Variants in TFEC observed in about 807,000 individuals in gnomAD.
TFEC encodes class E basic helix-loop-helix protein 34.
In TFEC, 31 loss-of-function variants were observed where a neutral mutation model predicts 41.6. That is an observed-to-expected ratio of 0.74 (90% CI 0.56 to 1.01). The LOEUF is 1.01. Among genes scored for constraint, TFEC ranks in the 50% least tolerant of loss-of-function variants. The pLI is 0.00. For missense variants in TFEC, 402 were observed against 404.1 expected (o/e 0.99, Z 0.04); for synonymous variants, 143 against 140.6 (o/e 1.02, Z -0.12).
chr7:116,085,103 G>A (rs891514845), intron 3 of TFEC, among the ~76,000 whole-genome samples: 4 of 151,844 alleles, frequency 2.6e-5, no homozygotes, highest in African/African-American at 9.7e-5. Flanking sequence ...GAGCAGGGCA[G>A]AAGGAACAGC....
intron 1 of TFEC, among the ~76,000 whole-genome samples, chr7:116,029,965 C>G (rs1220902578): frequency 6.6e-6 from 1 of 151,716 alleles, no homozygotes. Context: ...ACTTGGAAGG[C>G]TGAGGCAGGA....
chr7:116,004,532 A>T (rs1418955847), intron 1 of TFEC, among the ~76,000 whole-genome samples: 3 of 152,194 alleles, frequency 2.0e-5, no homozygotes, highest in Admixed American at 2.0e-4. Flanking sequence ...ATAAAAGAGA[A>T]GGGTAGGCAT....
chr7:116,095,852 C>T (rs1797441894), intron 3 of TFEC, among the ~76,000 whole-genome samples: 2 of 151,864 alleles, frequency 1.3e-5, no homozygotes, highest in South Asian at 4.2e-4. Flanking sequence ...TACTCTCAAC[C>T]CTTCCTCTCT....
intron 3 of TFEC, among the ~76,000 whole-genome samples, chr7:116,049,997 T>G (rs113662533): frequency 6.6e-6 from 1 of 152,214 alleles, no homozygotes; most frequent in South Asian, 2.1e-4. Flanking sequence ...GAGGGAAATT[T>G]ATAGCACTAA....
At chr7:116,118,636 T>C (rs1798043826) in intron 1 of TFEC, among the ~76,000 whole-genome samples, 1 of 151,852 alleles carries the variant, frequency 6.6e-6, no homozygotes, top group South Asian at 2.1e-4. Context: ...CTAAAGAATT[T>C]AGACATGATT....
chr7:115,940,801 A>G lies in TFEC; in HGVS notation c.794T>C (p.Leu265Pro), dbSNP rs765183817. The change falls in exon 8 of 8, where the codon CTG becomes CCG. Residue 265 changes from leucine to proline, a missense_variant. Leu to Pro is a moderately conservative substitution (Grantham distance 98). Transcript: ENST00000265440. ...EQNSVDYCQQ[L>P]TVSQGPSPEL... ...AGGGCTTGGCCCCTGAGACACAGTC[A>G]GTTGTTGGCAATAGTCTACTGAATT... is the stretch of plus-strand genomic sequence containing the variant. 3.7e-6 allele frequency: 6 copies of G among 1,613,446 alleles called. No individual in the cohort carries two copies. Among genetic ancestry groups the G allele is most frequent in the Non-Finnish European group, 4.2e-6 (5 of 1,179,648 alleles).
chr7:116,005,079 T>C (rs1231754373), intron 1 of TFEC, among the ~76,000 whole-genome samples: 1 of 152,204 alleles, frequency 6.6e-6, no homozygotes, highest in Non-Finnish European at 1.5e-5. Flanking sequence ...TCCCCAGCCA[T>C]GTGAAACTGT....
At position 115,939,707 on chromosome 7, in the gene TFEC, A is replaced by G. The variant is rs1476165255; in HGVS notation, c.*844T>C. Reference sequence around the variant, plus strand: ...ATAAGAAAAGAGAATTTGGAATGTGATTCTGATGCAGTCAGAAGCATGAAG... The same window carrying G: ...ATAAGAAAAGAGAATTTGGAATGTGGTTCTGATGCAGTCAGAAGCATGAAG... On this transcript the variant is annotated 3_prime_UTR_variant, in exon 8 of 8. Coordinates refer to ENST00000265440, the MANE Select transcript of TFEC (RefSeq NM_012252.4). 6.6e-6 allele frequency: 1 copy of G among 152,054 alleles called. No homozygotes were observed. Among genetic ancestry groups the G allele is most frequent in the Non-Finnish European group, 1.5e-5 (1 of 67,986 alleles). The allele number at this position is 152,054 out of a possible 1,614,324, so 9.4% of individuals were successfully genotyped here. A position where few individuals can be genotyped will look rare whatever the true frequency, so the allele number is the denominator to read the frequency against.
intron 2 of TFEC, among the ~76,000 whole-genome samples, chr7:115,981,870 T>G (rs1471287416): frequency 6.6e-6 from 1 of 152,052 alleles, no homozygotes; most frequent in African/African-American, 2.4e-5. Context: ...CCCGCCACCA[T>G]GAGAACCAGT....
intron 6 of TFEC, 64 bp downstream of exon 6, chr7:115,950,810 C>T: frequency 7.9e-7 from 1 of 1,264,480 alleles, no homozygotes; most frequent in Non-Finnish European, 1.1e-6. Flanking sequence ...TCCCTTCTTC[C>T]CTCCCATTCA....
At chr7:116,030,571 T>G in intron 1 of TFEC, 62 bp downstream of exon 1, 1 of 926,684 alleles carries the variant, frequency 1.1e-6, no homozygotes, top group Non-Finnish European at 1.3e-6. Flanking sequence ...CAAGTATTGA[T>G]TAGTTTGTCT....
At chr7:116,042,952 G>T (rs988747682) in intron 3 of TFEC, among the ~76,000 whole-genome samples, 1 of 152,152 alleles carries the variant, frequency 6.6e-6, no homozygotes, top group African/African-American at 2.4e-5. Context: ...ATGTGAGAGA[G>T]CTGATCACAA....
intron 1 of TFEC, among the ~76,000 whole-genome samples, chr7:116,004,651 C>A (rs140830283): frequency 6.6e-6 from 1 of 152,060 alleles, no homozygotes; most frequent in Admixed American, 6.6e-5. Context: ...ATGCTTAGAT[C>A]CATTAACCAA....
In TFEC at chr7:115,958,710, G is replaced by A. The variant is rs2402019; in HGVS notation, c.268-1917C>T. Among the ~76,000 whole-genome samples, 1,231 of 151,884 alleles carry A rather than the reference G, an allele frequency of 8.1e-3. 11 individuals carry two copies. The highest frequency in any genetic ancestry group is 0.028 in the African/African-American group (1,158 of 41,494). On this transcript the variant is annotated intron_variant, in intron 3 of 7. Transcript: ENST00000265440. ...TAAATTCTGATAATGAATCTAATCCGGCTGAACTGTAGCCGTATTGCATAT... is the reference window on the plus strand; with the variant it reads ...TAAATTCTGATAATGAATCTAATCCAGCTGAACTGTAGCCGTATTGCATAT...
At chr7:116,051,738 T>A (rs1445103186) in intron 3 of TFEC, among the ~76,000 whole-genome samples, 1 of 152,152 alleles carries the variant, frequency 6.6e-6, no homozygotes, top group Non-Finnish European at 1.5e-5. Flanking sequence ...ATAGTAAAAA[T>A]AGCTACAAAC....
intron 1 of TFEC, among the ~76,000 whole-genome samples, chr7:116,142,496 C>T (rs1286800973): frequency 6.6e-6 from 1 of 152,136 alleles, no homozygotes; most frequent in Non-Finnish European, 1.5e-5. Flanking sequence ...CAGAGGTAGA[C>T]ACCTGACCCT....
intron 3 of TFEC, among the ~76,000 whole-genome samples, chr7:116,066,704 C>A (rs982219592): frequency 6.6e-6 from 1 of 152,030 alleles, no homozygotes. Flanking sequence ...AATACAATTA[C>A]AATTTTTTTT....
chr7:116,147,181 T>C (rs1430374612), intron 1 of TFEC, among the ~76,000 whole-genome samples: 2 of 152,288 alleles, frequency 1.3e-5, no homozygotes, highest in East Asian at 1.9e-4. Flanking sequence ...AGAAGAAATA[T>C]TCACAAATAT....
intron 3 of TFEC, among the ~76,000 whole-genome samples, chr7:116,091,662 G>A (rs1797330940): frequency 6.6e-6 from 1 of 151,892 alleles, no homozygotes; most frequent in Non-Finnish European, 1.5e-5. Context: ...TACTCTAGAT[G>A]GAGAAACATC....
Sources: allele counts gnomAD v4.1 joint callset (sites outside exome capture counted in the v4.1 genomes callset), GRCh38; gene constraint gnomAD v4.1.1; transcripts MANE v1.5; gene names NCBI Gene and HGNC (gene_info 2026-07-23, HGNC 2026-07-21).